GPR137C: variants seen among roughly 807,000 people sequenced by gnomAD.
GPR137C encodes the protein integral membrane protein GPR137C.
GPR137C carries 27 observed loss-of-function variants against 43.4 expected under a neutral mutation model. The ratio of observed to expected loss-of-function variants is 0.62; its 90% CI spans 0.46 to 0.86. GPR137C has a LOEUF of 0.86. Among genes scored for constraint, GPR137C ranks in the 40% least tolerant of loss-of-function variants. GPR137C has a pLI of 0.00. For missense variants in GPR137C, 522 were observed against 534.6 expected, an observed-to-expected ratio of 0.98 and a Z score of 0.23; for synonymous variants, 285 against 226.9, an observed-to-expected ratio of 1.26 and a Z score of -2.30.
At chr14:52,609,336 A>G (rs2139545581) in intron 3 of GPR137C, among the ~76,000 whole-genome samples, 1 of 152,218 alleles carries the variant, frequency 6.6e-6, no homozygotes, top group East Asian at 1.9e-4. Flanking sequence ...CCTGAAGTTC[A>G]TTGACCTTCC....
chr14:52,608,430 G>A (rs10133543), intron 3 of GPR137C, among the ~76,000 whole-genome samples: 1 of 151,944 alleles, frequency 6.6e-6, no homozygotes, highest in East Asian at 1.9e-4. Context: ...ACGTTTGATG[G>A]CACAATTTGC....
rs1403832172 is a variant in GPR137C, at chr14:52,610,274, CTCTCT to C, written c.717+9935_717+9939del. On this transcript the variant is annotated intron_variant, in intron 3 of 6. Coordinates refer to ENST00000321662, the MANE Select transcript of GPR137C (RefSeq NM_001099652.2). The stretch of plus-strand genomic sequence containing the variant: ...GCTAAAGTATAAACCAGGAAAGGAG[CTCTCT>C]TATTTGTGTTATTCATTTTTCAGTC... Among the ~76,000 whole-genome samples the C allele has an allele frequency of 8.5e-5, 13 of 152,300 alleles. No homozygotes were observed. In the East Asian group the frequency reaches 1.9e-3, roughly 23 times the overall value.
At chr14:52,627,739 G>A (rs1372600982) in intron 3 of GPR137C, among the ~76,000 whole-genome samples, 2 of 152,070 alleles carry the variant, frequency 1.3e-5, no homozygotes, top group Admixed American at 6.5e-5. Context: ...AGCTACTCAG[G>A]ATCCTGAGGC....
intron 3 of GPR137C, among the ~76,000 whole-genome samples, chr14:52,620,695 T>A (rs922706314): frequency 6.6e-6 from 1 of 151,030 alleles, no homozygotes; most frequent in Non-Finnish European, 1.5e-5. Flanking sequence ...TACACTTGGA[T>A]AAATAAATAG....
At chr14:52,555,559 C>T (rs2038180129) in intron 1 of GPR137C, among the ~76,000 whole-genome samples, 1 of 152,126 alleles carries the variant, frequency 6.6e-6, no homozygotes, top group Non-Finnish European at 1.5e-5. Flanking sequence ...ATAGAATACA[C>T]GGAGTATCTA....
At position 52,634,999 on chromosome 14, in the gene GPR137C, T is replaced by C. The variant is rs1172832830; in HGVS notation, c.1174T>C (p.Tyr392His). The change falls in exon 7 of 7, where the codon TAC becomes CAC. Residue 392 changes from tyrosine (Y) to histidine (H), a missense_variant. By Grantham distance (83) the Tyr-to-His change is moderately conservative. This residue lies in a region of GPR137C where 67 missense variants were observed against 69.0 expected (regional missense o/e 0.97). Transcript: ENST00000321662. ...CATGACTGGGTGTGGCAGCAGCAGTTACACAGTCACTCCCCACCTGAATGG... is the reference window on the plus strand; with the variant it reads ...CATGACTGGGTGTGGCAGCAGCAGTCACACAGTCACTCCCCACCTGAATGG... ...GTMTGCGSSS[Y>H]TVTPHLNGPM... 1 of 1,612,818 alleles carries C rather than the reference T, an allele frequency of 6.2e-7. No individual in the cohort carries two copies. Among genetic ancestry groups the C allele is most frequent in the Admixed American group, 1.7e-5 (1 of 59,780 alleles).
chr14:52,595,809 C>T (rs915379714), intron 1 of GPR137C, among the ~76,000 whole-genome samples: 4 of 152,318 alleles, frequency 2.6e-5, no homozygotes, highest in South Asian at 2.1e-4. Flanking sequence ...CTTTTGAAGC[C>T]TACTTCTGTC....
chr14:52,598,287 A>C lies in GPR137C; in HGVS notation c.460A>C (p.Arg154=). The C allele has an allele frequency of 7.2e-7, 1 of 1,396,960 alleles. No homozygotes were observed. Among genetic ancestry groups the C allele is most frequent in the South Asian group, 1.4e-5 (1 of 72,448 alleles). 86.5% of individuals were successfully genotyped at this position (1,396,960 alleles called of 1,614,324 possible). Reference sequence around the variant, plus strand: ...CTCTTTATAGGTTATATGTAAAGTCAGATGTGCCACTGAACTTGACAGACA... The same window carrying C: ...CTCTTTATAGGTTATATGTAAAGTCCGATGTGCCACTGAACTTGACAGACA... ...LYLAEVICKV[R]CATELDRHKI... is the part of the protein sequence containing the mutation. Residue 154 remains arginine (R), a synonymous_variant, in exon 2 of 7, where the codon AGA becomes CGA. Coordinates refer to ENST00000321662, the MANE Select transcript of GPR137C (RefSeq NM_001099652.2).
intron 1 of GPR137C, among the ~76,000 whole-genome samples, chr14:52,575,370 G>C (rs1364526631): frequency 1.3e-5 from 2 of 151,978 alleles, no homozygotes; most frequent in African/African-American, 4.8e-5. Flanking sequence ...ATTCCAGCTT[G>C]GATGACAGAA....
intron 1 of GPR137C, among the ~76,000 whole-genome samples, chr14:52,576,568 GAGAT>G (rs1378652879): frequency 6.6e-6 from 1 of 152,152 alleles, no homozygotes; most frequent in Non-Finnish European, 1.5e-5. Context: ...TGTACTGAAA[GAGAT>G]AGAGAGCAAC....
intron 1 of GPR137C, among the ~76,000 whole-genome samples, chr14:52,555,916 A>G (rs1171578017): frequency 3.3e-5 from 5 of 152,202 alleles, no homozygotes. Flanking sequence ...GAAAATCTCC[A>G]GGAACCTGTA....
At chr14:52,584,902 A>AT (rs982546228) in intron 1 of GPR137C, among the ~76,000 whole-genome samples, 90 of 150,918 alleles carry the variant, frequency 6.0e-4, no homozygotes, top group African/African-American at 2.0e-3. Flanking sequence ...GATCTGGCCC[A>AT]TTTTTTTTTC....
chr14:52,570,490 A>G (rs981454380), intron 1 of GPR137C, among the ~76,000 whole-genome samples: 4 of 152,224 alleles, frequency 2.6e-5, no homozygotes, highest in African/African-American at 9.6e-5. Flanking sequence ...ACATTCACAC[A>G]TAGCAATATT....
At position 52,598,426 on chromosome 14, in the gene GPR137C, G is replaced by A. The variant is rs533038778; in HGVS notation, c.488+111G>A. On this transcript the variant is annotated intron_variant, in intron 2 of 6. Coordinates refer to ENST00000321662, the MANE Select transcript of GPR137C (RefSeq NM_001099652.2). ...AATTTTTTTTAATAGTAGACTTCTC[G>A]TGGTAGAAGGGAGTGGTTGTTGAGG... is the stretch of plus-strand genomic sequence containing the variant. 20 of 455,196 alleles carry A rather than the reference G, an allele frequency of 4.4e-5. 1 individual carries two copies. The East Asian group carries it at 4.5e-4, about 10-fold the overall frequency. The allele number at this position is 455,196 out of a possible 1,614,324, so 28.2% of individuals were successfully genotyped here. A position where few individuals can be genotyped will look rare whatever the true frequency, so the allele number is the denominator to read the frequency against.
At chr14:52,574,526 A>T (rs563235328) in intron 1 of GPR137C, among the ~76,000 whole-genome samples, 6 of 152,152 alleles carry the variant, frequency 3.9e-5, no homozygotes, top group Non-Finnish European at 7.3e-5. Context: ...GAACACATGG[A>T]TACAGGGCGG....
chr14:52,588,434 C>T (rs767039514), intron 1 of GPR137C, among the ~76,000 whole-genome samples: 3 of 152,140 alleles, frequency 2.0e-5, no homozygotes, highest in African/African-American at 4.8e-5. Context: ...CATGAGCCAC[C>T]GCTTCTGGCC....
intron 1 of GPR137C, among the ~76,000 whole-genome samples, chr14:52,569,197 C>T (rs1031075851): frequency 6.6e-6 from 1 of 152,072 alleles, no homozygotes; most frequent in Non-Finnish European, 1.5e-5. Flanking sequence ...ACCGGAGGGG[C>T]CTGACTGTTA....
At position 52,552,896 on chromosome 14, in the gene GPR137C, T is replaced by A. The variant is rs916743924; in HGVS notation, c.-252T>A. Reference sequence around the variant, plus strand: ...CAGCTGATTGTCTCCAGCCGAGAGTTGTTTTTTGCAGCTACGGAGCCGAGC... The same window carrying A: ...CAGCTGATTGTCTCCAGCCGAGAGTAGTTTTTTGCAGCTACGGAGCCGAGC... On this transcript the variant is annotated 5_prime_UTR_variant, in exon 1 of 7. Transcript: ENST00000321662. Among the ~76,000 whole-genome samples, 2 of 151,318 alleles carry A rather than the reference T, an allele frequency of 1.3e-5. No individual in the cohort carries two copies. The highest frequency in any genetic ancestry group is 2.4e-5 in the African/African-American group (1 of 41,182).
chr14:52,609,712 G>A (rs1311010675), intron 3 of GPR137C, among the ~76,000 whole-genome samples: 1 of 152,172 alleles, frequency 6.6e-6, no homozygotes, highest in Non-Finnish European at 1.5e-5. Flanking sequence ...TGGATCTGGG[G>A]AAGACACAAG....
Sources: allele counts gnomAD v4.1 joint callset (sites outside exome capture counted in the v4.1 genomes callset), GRCh38; gene constraint gnomAD v4.1.1; regional missense constraint gnomAD v4.1.1; transcripts MANE v1.5; gene names NCBI Gene and HGNC (gene_info 2026-07-23, HGNC 2026-07-21).